MRC2: variants seen among roughly 807,000 people sequenced by gnomAD.
The protein encoded by MRC2 is C-type mannose receptor 2.
MRC2 carries 84 observed loss-of-function variants against 206.2 expected under a neutral mutation model. The ratio of observed to expected loss-of-function variants is 0.41; its 90% CI spans 0.34 to 0.49. The LOEUF (loss-of-function observed/expected upper bound fraction) is 0.49. MRC2 is among the 20% of genes least tolerant of loss of function. The pLI, the probability that MRC2 is intolerant of heterozygous loss-of-function variation, is 0.31. For missense variants in MRC2, 1,676 were observed against 2,001.5 expected, an observed-to-expected ratio of 0.84 and a Z score of 3.10; for synonymous variants, 798 against 800.0, an observed-to-expected ratio of 1.00 and a Z score of 0.04.
At chr17:62,639,855 A>G (rs2088376386) in intron 1 of MRC2, among the ~76,000 whole-genome samples, 1 of 151,426 alleles carries the variant, frequency 6.6e-6, no homozygotes, top group Non-Finnish European at 1.5e-5. Context: ...TATATGGCTA[A>G]TGATTCTTTT....
chr17:62,667,553 G>A lies in MRC2; in HGVS notation c.1117+20G>A, dbSNP rs1281759766. 6 of 1,597,464 alleles carry A rather than the reference G, an allele frequency of 3.8e-6. No homozygotes were observed. Among genetic ancestry groups the A allele is most frequent in the Admixed American group, 3.5e-5 (2 of 56,458 alleles). On this transcript the variant is annotated intron_variant, in intron 6 of 29. Transcript: ENST00000303375. This position sits in a 1 kb window ranked among gnomAD's most constrained non-coding sequence, Gnocchi z 4.1. ...CTCCAGGTGAGCCAGGGACTGTGCC[G>A]CAGGGTGGGGAGGGGCTCCCAGGGC...
chr17:62,638,800 C>T (rs2088361653), intron 1 of MRC2, among the ~76,000 whole-genome samples: 1 of 150,672 alleles, frequency 6.6e-6, no homozygotes, highest in African/African-American at 2.4e-5. Flanking sequence ...CGCCTGTAAT[C>T]CCAGCTACTT....
At position 62,673,799 on chromosome 17, in the gene MRC2, C is replaced by T. The variant is rs753372477; in HGVS notation, c.1462-264C>T. Among the ~76,000 whole-genome samples, 9 of 152,270 alleles carry T rather than the reference C, an allele frequency of 5.9e-5. 1 individual carries two copies. The highest frequency in any genetic ancestry group is 4.4e-5 in the Non-Finnish European group (3 of 68,008). On this transcript the variant is annotated intron_variant, in intron 8 of 29. Transcript: ENST00000303375. ...TGCTGGGATTACAGGCATGAGCCAC[C>T]GCGCCGGGCCAGGATGCCTTTCCCA...
chr17:62,654,393 C>A (rs886670206), intron 1 of MRC2, among the ~76,000 whole-genome samples: 1 of 151,872 alleles, frequency 6.6e-6, no homozygotes, highest in Non-Finnish European at 1.5e-5. Context: ...TCTGCTTGTG[C>A]CTTTCAGGGT....
intron 1 of MRC2, 44 bp downstream of exon 1, chr17:62,627,964 G>A: frequency 7.7e-7 from 1 of 1,290,724 alleles, no homozygotes; most frequent in Non-Finnish European, 1.0e-6. Flanking sequence ...CCGGGCGGGG[G>A]GAGCGCCGAG....
At chr17:62,665,964 C>T (rs1489248168) in intron 2 of MRC2, 130 bp from the exon 3 acceptor site, 9 of 953,042 alleles carry the variant, frequency 9.4e-6, no homozygotes, top group Admixed American at 5.9e-5. Flanking sequence ...GTGCCATTGC[C>T]TCTCCCACCT....
At chr17:62,686,492 T>C (rs1050340394) in intron 20 of MRC2, among the ~76,000 whole-genome samples, 3 of 150,856 alleles carry the variant, frequency 2.0e-5, no homozygotes, top group Admixed American at 6.6e-5. Context: ...CAACAAAGAA[T>C]CTAATGCCCT....
At chr17:62,688,262 C>T in intron 20 of MRC2, 27 bp from the exon 21 acceptor site, 2 of 1,591,884 alleles carry the variant, frequency 1.3e-6, no homozygotes. Flanking sequence ...TGGGGCTGGC[C>T]ATTACATCCC....
Position 62,689,538 on chromosome 17 carries a change from G to C in MRC2, c.3351G>C (p.Pro1117=). 6.3e-7 allele frequency: 1 copy of C among 1,580,424 alleles called. No homozygotes were observed. The highest frequency in any genetic ancestry group is 1.2e-5 in the South Asian group (1 of 85,788). Reference sequence around the variant, plus strand: ...TCCCTGTAGACCCCTCCCTGAGCCCGTCCCCAGCAGCGCTGCCCCCCGCCC... The same window carrying C: ...TCCCTGTAGACCCCTCCCTGAGCCCCTCCCCAGCAGCGCTGCCCCCCGCCC... The part of the protein sequence containing the change: ...CQKGTDPSLS[P]SPAALPPAPG... The change falls in exon 24 of 30, where the codon CCG becomes CCC. Residue 1117 remains proline, a synonymous_variant. Transcript: ENST00000303375.
chr17:62,636,112 G>A (rs1306262496), intron 1 of MRC2, among the ~76,000 whole-genome samples: 1 of 151,122 alleles, frequency 6.6e-6, no homozygotes, highest in African/African-American at 2.4e-5. Flanking sequence ...AAATTAGCTG[G>A]GCACAGTGGT....
chr17:62,672,267 T>A lies in MRC2; in HGVS notation c.1461+115T>A. 1 of 1,220,260 alleles carries A rather than the reference T, an allele frequency of 8.2e-7. No individual in the cohort carries two copies. The highest frequency in any genetic ancestry group is 1.2e-6 in the Non-Finnish European group (1 of 855,760). The allele number at this position is 1,220,260 out of a possible 1,614,324, so 75.6% of individuals were successfully genotyped here. On this transcript the variant is annotated intron_variant, in intron 8 of 29. Coordinates refer to ENST00000303375, the MANE Select transcript of MRC2 (RefSeq NM_006039.5). The surrounding 1 kb of genome is among the most constrained non-coding windows in gnomAD (Gnocchi z 4.5). ...CAGAACCTGCCTGGAACCTCTTACC[T>A]CTCAGCAGTCCCCCTCCTCCCCACC...
At position 62,652,281 on chromosome 17, in the gene MRC2, C is replaced by T. The variant is rs1165193178; in HGVS notation, c.119-12267C>T. On this transcript the variant is annotated intron_variant, in intron 1 of 29. Transcript: ENST00000303375. The surrounding 1 kb of genome is among the most constrained non-coding windows in gnomAD (Gnocchi z 4.6). Reference sequence around the variant, plus strand: ...ACCTGTCCATGATTTTAAGAAAGGGCAGGCGCACAACACCCCCGCACGGAG... The same window carrying T: ...ACCTGTCCATGATTTTAAGAAAGGGTAGGCGCACAACACCCCCGCACGGAG... Among the ~76,000 whole-genome samples the T allele has an allele frequency of 6.6e-6, 1 of 152,274 alleles. No individual in the cohort carries two copies. Among genetic ancestry groups the T allele is most frequent in the Non-Finnish European group, 1.5e-5 (1 of 68,054 alleles).
intron 1 of MRC2, among the ~76,000 whole-genome samples, chr17:62,647,340 T>G (rs1378252391): frequency 6.6e-6 from 1 of 151,982 alleles, no homozygotes; most frequent in Non-Finnish European, 1.5e-5. Context: ...CATGCCACCA[T>G]GCCTGGCTAA....
chr17:62,677,750 C>A (rs974805240), intron 12 of MRC2, among the ~76,000 whole-genome samples: 1 of 152,138 alleles, frequency 6.6e-6, no homozygotes, highest in South Asian at 2.1e-4. Flanking sequence ...GCTTGGGGAA[C>A]CTGATAAAAA....
At position 62,692,632 on chromosome 17, in the gene MRC2, T is replaced by TA; in HGVS notation, c.*181_*182insA. 1 of 642,778 alleles carries TA rather than the reference T, an allele frequency of 1.6e-6. No individual in the cohort carries two copies. The highest frequency in any genetic ancestry group is 2.7e-6 in the Non-Finnish European group (1 of 377,062). The allele number at this position is 642,778 out of a possible 1,614,324, so 39.8% of individuals were successfully genotyped here. ...TGGGGTGCCACCCTCCCACAAGGGC[T>TA]GGGCTGAGACCCAGCTGAGTGCAGC... On this transcript the variant is annotated 3_prime_UTR_variant, in exon 30 of 30. Transcript: ENST00000303375. The surrounding 1 kb of genome is among the most constrained non-coding windows in gnomAD (Gnocchi z 4.2).
intron 1 of MRC2, among the ~76,000 whole-genome samples, chr17:62,662,786 C>A (rs907124732): frequency 2.6e-5 from 4 of 152,038 alleles, no homozygotes; most frequent in Non-Finnish European, 5.9e-5. Context: ...GTGGTGCATG[C>A]CTGTAATCCC....
At position 62,677,374 on chromosome 17, in the gene MRC2, G is replaced by A. The variant is rs1303751413; in HGVS notation, c.1940G>A (p.Ser647Asn). The part of the protein sequence containing the change: ...SFRARYICRQ[S>N]LGTPVTPELP... ...CGGGCCCGCTACATCTGCCGGCAGAGCCTGGGCACTCCAGTGACGCCGGAG... is the reference window on the plus strand; with the variant it reads ...CGGGCCCGCTACATCTGCCGGCAGAACCTGGGCACTCCAGTGACGCCGGAG... Residue 647 changes from serine to asparagine, a missense_variant, in exon 12 of 30, where the codon AGC (serine) becomes AAC (asparagine). Around this residue, in one of 3 missense-constraint regions of MRC2, gnomAD observed 1,354 missense variants for 1,636.6 expected, o/e 0.83. Transcript: ENST00000303375. The A allele has an allele frequency of 1.9e-6, 3 of 1,610,576 alleles. No homozygotes were observed. Among genetic ancestry groups the A allele is most frequent in the South Asian group, 1.1e-5 (1 of 90,430 alleles).
Position 62,652,720 on chromosome 17 carries a change from C to T in MRC2, c.119-11828C>T, listed in dbSNP as rs563656011. ...GGGCGCACGGCGGTGGAGGGAGGGG[C>T]GCCCAGTGGAGAGGGGGCTCACGGT... is the stretch of plus-strand genomic sequence containing the variant. On this transcript the variant is annotated intron_variant, in intron 1 of 29. Transcript: ENST00000303375. This position sits in a 1 kb window ranked among gnomAD's most constrained non-coding sequence, Gnocchi z 4.6. Among the ~76,000 whole-genome samples the T allele has an allele frequency of 6.8e-5, 10 of 147,704 alleles. No homozygotes were observed. The South Asian group carries it at 2.2e-3, about 32-fold the overall frequency.
chr17:62,664,699 C>T lies in MRC2; in HGVS notation c.270C>T (p.Thr90=). Residue 90 remains threonine (T), a synonymous_variant, in exon 2 of 30, where the codon ACC becomes ACT. Transcript: ENST00000303375. The surrounding 1 kb of genome is among the most constrained non-coding windows in gnomAD (Gnocchi z 4.7). The part of the protein sequence containing the change: ...VSRNRLFNLG[T]MQCLGTGWPG... ...GAAACCGGCTATTCAACCTGGGTACCATGCAGTGCCTGGGCACAGGCTGGC... is the reference window on the plus strand; with the variant it reads ...GAAACCGGCTATTCAACCTGGGTACTATGCAGTGCCTGGGCACAGGCTGGC... 6.2e-7 allele frequency: 1 copy of T among 1,614,042 alleles called. No homozygotes were observed.
Sources: gnomAD v4.1 joint callset for allele counts (sites outside exome capture counted in the v4.1 genomes callset) on GRCh38, gnomAD v4.1.1 for gene constraint, gnomAD v4.1.1 regional missense constraint, Gnocchi (gnomAD v3.1) non-coding constraint, MANE v1.5 for transcripts, NCBI Gene and HGNC (gene_info 2026-07-23, HGNC 2026-07-21) for gene names.